The following PTPRZ1 variants were observed in gnomAD, a reference collection of about 807,000 sequenced individuals.
PTPRZ1 encodes the protein receptor-type tyrosine-protein phosphatase zeta.
Under a neutral mutation model 214.1 loss-of-function variants are expected in PTPRZ1, and 82 were observed. That is an observed-to-expected ratio of 0.38 (90% CI 0.32 to 0.46). The LOEUF (loss-of-function observed/expected upper bound fraction) is 0.46, where lower values mean the gene tolerates loss of function less well. Among genes scored for constraint, PTPRZ1 ranks in the 20% least tolerant of loss-of-function variants. The pLI is 1.00. For synonymous variants in PTPRZ1, 945 were observed against 987.9 expected (o/e 0.96, Z 0.81); for missense variants, 2,603 against 2,748.7 (o/e 0.95, Z 1.19).
At chr7:121,980,227 C>T (rs1227340555) in intron 6 of PTPRZ1, among the ~76,000 whole-genome samples, 2 of 152,066 alleles carry the variant, frequency 1.3e-5, no homozygotes, top group Non-Finnish European at 2.9e-5. Flanking sequence ...TGGCTCTTTA[C>T]CTAATTAGTA....
At position 122,038,812 on chromosome 7, in the gene PTPRZ1, G is replaced by C. The variant is rs190167126; in HGVS notation, c.5425G>C (p.Glu1809Gln). 8.7e-6 allele frequency: 14 copies of C among 1,613,800 alleles called. No individual in the cohort carries two copies. In the East Asian group the frequency reaches 3.1e-4, roughly 36 times the overall value. The change falls in exon 19 of 30, where the codon GAA becomes CAA. Residue 1809 changes from glutamate to glutamine, a missense_variant. By Grantham distance (29) the Glu-to-Gln change is conservative. Transcript: ENST00000393386. ...AAQGPLKSTA[E>Q]DFWRMIWEHN... is the part of the protein sequence containing the mutation. ...CCAAGGCCCACTGAAATCCACAGCTGAAGATTTCTGGAGAATGATATGGGA... is the reference window on the plus strand; with the variant it reads ...CCAAGGCCCACTGAAATCCACAGCTCAAGATTTCTGGAGAATGATATGGGA...
chr7:122,046,261 T>C (rs577914029), intron 23 of PTPRZ1, among the ~76,000 whole-genome samples: 58 of 152,026 alleles, frequency 3.8e-4, no homozygotes, highest in African/African-American at 1.4e-3. Context: ...ATAAAAAAAT[T>C]AGCTGGGTGG....
chr7:121,976,694 T>C, intron 5 of PTPRZ1, 91 bp from the exon 6 acceptor site: 7 of 1,058,392 alleles, frequency 6.6e-6, no homozygotes, highest in Non-Finnish European at 9.3e-6. Flanking sequence ...AATGCACATA[T>C]TTAAAATGGA....
intron 14 of PTPRZ1, 140 bp downstream of exon 14, chr7:122,028,783 A>G: frequency 1.6e-6 from 1 of 620,652 alleles, no homozygotes; most frequent in Non-Finnish European, 2.8e-6. Context: ...CCAAATATTT[A>G]TTACATTATG....
intron 6 of PTPRZ1, among the ~76,000 whole-genome samples, chr7:121,980,095 A>G (rs1797558936): frequency 2.0e-5 from 3 of 151,862 alleles, no homozygotes; most frequent in Admixed American, 2.0e-4. Context: ...TTTCTTTCCC[A>G]ATAATAGGAA....
At position 122,010,476 on chromosome 7, in the gene PTPRZ1, C is replaced by G. The variant is rs983555992; in HGVS notation, c.1430C>G (p.Ala477Gly). 3 of 1,613,958 alleles carry G rather than the reference C, an allele frequency of 1.9e-6. No homozygotes were observed. The highest frequency in any genetic ancestry group is 1.7e-6 in the Non-Finnish European group (2 of 1,179,930). ...CGCATAGGGACGAAATACAATGAAG[C>G]CAAGACTAACCGATCCCCAACAAGA... The part of the protein sequence containing the change: ...YNRIGTKYNE[A>G]KTNRSPTRGS... Residue 477 changes from alanine to glycine, a missense_variant, in exon 12 of 30, where the codon GCC becomes GGC. Physicochemically the swap from Ala to Gly is moderately conservative, Grantham distance 60. This residue lies in a region of PTPRZ1 where 1,913 missense variants were observed against 1,914.3 expected (regional missense o/e 1.00). Coordinates refer to ENST00000393386, the MANE Select transcript of PTPRZ1 (RefSeq NM_002851.3).
intron 15 of PTPRZ1, among the ~76,000 whole-genome samples, chr7:122,032,967 A>G (rs1314626177): frequency 6.6e-6 from 1 of 152,114 alleles, no homozygotes; most frequent in African/African-American, 2.4e-5. Flanking sequence ...AGAAATTATC[A>G]GGCTAACATC....
At chr7:121,966,785 A>G (rs984363428) in intron 2 of PTPRZ1, 37 of 152,180 alleles carry the variant, frequency 2.4e-4, no homozygotes, top group African/African-American at 8.4e-4. Flanking sequence ...AGCTTGCATA[A>G]AAGTTAGTTC....
chr7:121,979,803 G>GT (rs1267855774), intron 6 of PTPRZ1, among the ~76,000 whole-genome samples: 2 of 152,098 alleles, frequency 1.3e-5, no homozygotes, highest in Non-Finnish European at 2.9e-5. Context: ...TGAAGCAGGT[G>GT]TTTTTTTCTC....
intron 1 of PTPRZ1, among the ~76,000 whole-genome samples, chr7:121,887,809 A>G (rs1286794573): frequency 6.6e-6 from 1 of 152,060 alleles, no homozygotes; most frequent in African/African-American, 2.4e-5. Context: ...GTTTCCTGTC[A>G]AGCCGGGGTT....
intron 2 of PTPRZ1, among the ~76,000 whole-genome samples, chr7:121,962,816 G>A (rs958214794): frequency 2.4e-4 from 37 of 151,190 alleles, no homozygotes; most frequent in Non-Finnish European, 2.5e-4. Flanking sequence ...CGCCCACCTC[G>A]GCCTCCCAAA....
intron 2 of PTPRZ1, among the ~76,000 whole-genome samples, chr7:121,949,935 G>A (rs1796502631): frequency 6.6e-6 from 1 of 152,148 alleles, no homozygotes; most frequent in Non-Finnish European, 1.5e-5. Context: ...GTTATTGAGA[G>A]TGTCCTATAG....
intron 8 of PTPRZ1, among the ~76,000 whole-genome samples, chr7:121,991,873 T>A (rs549528655): frequency 5.2e-5 from 8 of 152,384 alleles, no homozygotes; most frequent in African/African-American, 1.9e-4. Flanking sequence ...TGTTTTAGGA[T>A]CTGCTACTGC....
At chr7:121,992,825 T>C (rs1798012348) in intron 8 of PTPRZ1, among the ~76,000 whole-genome samples, 1 of 152,204 alleles carries the variant, frequency 6.6e-6, no homozygotes, top group Admixed American at 6.5e-5. Flanking sequence ...CAAGAACATG[T>C]ATAGCTCCCT....
chr7:121,892,928 A>G (rs1258174542), intron 1 of PTPRZ1, among the ~76,000 whole-genome samples: 1 of 151,858 alleles, frequency 6.6e-6, no homozygotes, highest in East Asian at 1.9e-4. Context: ...AAAATTATAC[A>G]CAATCATTGC....
intron 15 of PTPRZ1, among the ~76,000 whole-genome samples, chr7:122,032,931 C>G (rs562131111): frequency 6.6e-6 from 1 of 151,924 alleles, no homozygotes; most frequent in South Asian, 2.1e-4. Context: ...AGTGTTAACT[C>G]AATGTTAATT....
chr7:122,042,841 A>G (rs1053707830), intron 22 of PTPRZ1, 98 bp downstream of exon 22: 2 of 1,308,088 alleles, frequency 1.5e-6, no homozygotes, highest in African/African-American at 1.5e-5. Flanking sequence ...ACAAAGTAAT[A>G]CAAACTGGGT....
intron 11 of PTPRZ1, 67 bp from the exon 12 acceptor site, chr7:122,010,267 A>C: frequency 7.0e-7 from 1 of 1,438,838 alleles, no homozygotes; most frequent in Non-Finnish European, 9.4e-7. Context: ...TTGGCAGTGT[A>C]AGATATGAAG....
chr7:121,884,194 G>A (rs545044089), intron 1 of PTPRZ1, among the ~76,000 whole-genome samples: 1 of 152,054 alleles, frequency 6.6e-6, no homozygotes, highest in East Asian at 1.9e-4. Context: ...TTTGGTTACT[G>A]TAAAGTTTCC....
Sources: gnomAD v4.1 joint callset for allele counts (sites outside exome capture counted in the v4.1 genomes callset) on GRCh38, gnomAD v4.1.1 for gene constraint, gnomAD v4.1.1 regional missense constraint, MANE v1.5 for transcripts, NCBI Gene and HGNC (gene_info 2026-07-23, HGNC 2026-07-21) for gene names.